PBX3: variants seen among roughly 807,000 people sequenced by gnomAD.
PBX3 encodes pre-B-cell leukemia transcription factor 3.
PBX3 carries 14 observed loss-of-function variants against 48.5 expected under a neutral mutation model. The observed-to-expected ratio is 0.29, with a 90% confidence interval of 0.19 to 0.45. The LOEUF (loss-of-function observed/expected upper bound fraction) is 0.45, where lower values mean the gene tolerates loss of function less well. Among genes scored for constraint, PBX3 ranks in the 20% least tolerant of loss-of-function variants. The pLI is 1.00. For missense variants in PBX3, 386 were observed against 546.7 expected (o/e 0.71, Z 2.93); for synonymous variants, 210 against 200.3 (o/e 1.05, Z -0.41).
At chr9:125,954,750 G>A (rs1477404042) in intron 5 of PBX3, among the ~76,000 whole-genome samples, 8 of 152,152 alleles carry the variant, frequency 5.3e-5, no homozygotes, top group Non-Finnish European at 1.2e-4. Context: ...TATTGGCCAG[G>A]ATGGTCTCAA....
intron 2 of PBX3, among the ~76,000 whole-genome samples, chr9:125,860,816 G>C (rs2132288319): frequency 6.6e-6 from 1 of 150,850 alleles, no homozygotes; most frequent in East Asian, 1.9e-4. Context: ...GAACCCAGGA[G>C]GCAGAGGTTG....
In PBX3 at chr9:125,801,409, C is replaced by G. The variant is rs1036036477; in HGVS notation, c.274+52786C>G. On this transcript the variant is annotated intron_variant, in intron 2 of 8. Coordinates refer to ENST00000373489, the MANE Select transcript of PBX3 (RefSeq NM_006195.6). ...ATATTTTTCTTGCCTACAACTCTGG[C>G]TCCTTTTATTTTATGGAGCTTTGGG... Among the ~76,000 whole-genome samples, 10 of 152,266 alleles carry G rather than the reference C, an allele frequency of 6.6e-5. No individual in the cohort carries two copies. In the South Asian group the frequency reaches 2.1e-3, roughly 32 times the overall value.
At chr9:125,762,581 A>G (rs905681897) in intron 2 of PBX3, among the ~76,000 whole-genome samples, 2 of 152,204 alleles carry the variant, frequency 1.3e-5, no homozygotes, top group Non-Finnish European at 2.9e-5. Context: ...GAAAGCAGAA[A>G]TGGGAAAAAG....
At chr9:125,904,976 A>G (rs988978619) in intron 2 of PBX3, among the ~76,000 whole-genome samples, 34 of 151,958 alleles carry the variant, frequency 2.2e-4, no homozygotes, top group African/African-American at 8.2e-4. Flanking sequence ...ATGGTTTACC[A>G]CTAAAACACC....
chr9:125,953,689 TTTG>T (rs949065031), intron 5 of PBX3, among the ~76,000 whole-genome samples: 64 of 152,198 alleles, frequency 4.2e-4, no homozygotes, highest in African/African-American at 1.5e-3. Context: ...AGCTGACAGA[TTTG>T]TTGTCTGTGT....
chr9:125,962,047 G>C (rs1842441044), intron 6 of PBX3, 55 bp from the exon 7 acceptor site: 1 of 870,074 alleles, frequency 1.1e-6, no homozygotes, highest in African/African-American at 1.7e-5. Flanking sequence ...CTAGGTCTTT[G>C]AGGATTATGT....
At chr9:125,884,022 G>A (rs987280238) in intron 2 of PBX3, among the ~76,000 whole-genome samples, 3 of 152,144 alleles carry the variant, frequency 2.0e-5, no homozygotes, top group Admixed American at 2.0e-4. Context: ...CATGATTTGC[G>A]ATGAGCTTAT....
chr9:125,904,661 C>G (rs1483737157), intron 2 of PBX3, among the ~76,000 whole-genome samples: 2 of 151,800 alleles, frequency 1.3e-5, no homozygotes, highest in African/African-American at 4.8e-5. Context: ...GTCAGCAAAT[C>G]CCATCAAAGA....
intron 2 of PBX3, among the ~76,000 whole-genome samples, chr9:125,806,191 G>T (rs959378616): frequency 2.6e-5 from 4 of 152,108 alleles, no homozygotes; most frequent in African/African-American, 9.7e-5. Context: ...CAGGGAAAGG[G>T]CACTTCAGGC....
intron 2 of PBX3, among the ~76,000 whole-genome samples, chr9:125,837,913 T>C (rs987601787): frequency 6.6e-6 from 1 of 152,202 alleles, no homozygotes; most frequent in Non-Finnish European, 1.5e-5. Flanking sequence ...GTCTTTGTTT[T>C]GTTGGTCTTT....
chr9:125,780,371 C>T (rs1454853768), intron 2 of PBX3, among the ~76,000 whole-genome samples: 1 of 130,776 alleles, frequency 7.6e-6, no homozygotes, highest in African/African-American at 2.9e-5. Context: ...GGGGAGCTGA[C>T]CCCACCTCCC....
intron 2 of PBX3, among the ~76,000 whole-genome samples, chr9:125,899,308 T>C (rs529018298): frequency 2.6e-5 from 3 of 115,078 alleles, no homozygotes; most frequent in African/African-American, 1.2e-4. Flanking sequence ...AATATACATA[T>C]ATGTATATAT....
chr9:125,861,990 TA>T (rs1205221445), intron 2 of PBX3, among the ~76,000 whole-genome samples: 1 of 152,212 alleles, frequency 6.6e-6, no homozygotes, highest in African/African-American at 2.4e-5. Flanking sequence ...AAAGTTTTTA[TA>T]AAAAATAGCC....
intron 2 of PBX3, among the ~76,000 whole-genome samples, chr9:125,785,530 C>T (rs1837435577): frequency 6.6e-6 from 1 of 152,202 alleles, no homozygotes. Flanking sequence ...CCTTTGGTCA[C>T]AGACTGAAGG....
At chr9:125,806,242 G>C (rs559847515) in intron 2 of PBX3, among the ~76,000 whole-genome samples, 1 of 152,312 alleles carries the variant, frequency 6.6e-6, no homozygotes, top group East Asian at 1.9e-4. Flanking sequence ...GTAGGAGCAT[G>C]CTTGTGAAGT....
At chr9:125,802,904 C>T (rs1838005062) in intron 2 of PBX3, among the ~76,000 whole-genome samples, 1 of 152,042 alleles carries the variant, frequency 6.6e-6, no homozygotes, top group Non-Finnish European at 1.5e-5. Flanking sequence ...GTCTCGAACT[C>T]CTGACCTCAG....
chr9:125,959,304 C>T (rs1391344840), intron 5 of PBX3, among the ~76,000 whole-genome samples: 5 of 152,240 alleles, frequency 3.3e-5, no homozygotes, highest in African/African-American at 1.2e-4. Flanking sequence ...CATTTACTTC[C>T]TGATGGGCTT....
At chr9:125,946,442 A>G (rs1382841467) in intron 5 of PBX3, among the ~76,000 whole-genome samples, 1 of 152,186 alleles carries the variant, frequency 6.6e-6, no homozygotes, top group African/African-American at 2.4e-5. Context: ...TATAGGAAAT[A>G]AAGGAATCTG....
chr9:125,823,549 TA>T (rs1251890047), intron 2 of PBX3, among the ~76,000 whole-genome samples: 1 of 150,990 alleles, frequency 6.6e-6, no homozygotes, highest in Admixed American at 6.6e-5. Context: ...TTTTTGGTAA[TA>T]GTGTTAAATA....
Sources: allele counts gnomAD v4.1 joint callset (sites outside exome capture counted in the v4.1 genomes callset), GRCh38; gene constraint gnomAD v4.1.1; transcripts MANE v1.5; gene names NCBI Gene and HGNC (gene_info 2026-07-23, HGNC 2026-07-21).